TTC29: variants seen among roughly 807,000 people sequenced by gnomAD.
The protein encoded by TTC29 is tetratricopeptide repeat protein 29.
A neutral mutation model predicts 58.1 loss-of-function variants in TTC29; 49 were observed. The observed-to-expected ratio is 0.84, with a 90% CI of 0.67 to 1.07. TTC29 has a LOEUF of 1.07. TTC29 is among the 50% of genes least tolerant of loss of function. The probability of loss-of-function intolerance (pLI) is 0.00; values close to 1 mark genes in which losing one functional copy is unlikely to be tolerated. For synonymous variants in TTC29, 209 were observed against 196.8 expected (o/e 1.06, Z -0.52); for missense variants, 582 against 555.6 (o/e 1.05, Z -0.48).
At chr4:146,942,394 C>T (rs1299411429) in intron 2 of TTC29, among the ~76,000 whole-genome samples, 2 of 152,114 alleles carry the variant, frequency 1.3e-5, no homozygotes, top group African/African-American at 2.4e-5. Flanking sequence ...AACTTCATAA[C>T]GTAATGACAA....
At chr4:146,790,191 T>G (rs564973210) in intron 11 of TTC29, among the ~76,000 whole-genome samples, 1 of 151,930 alleles carries the variant, frequency 6.6e-6, no homozygotes, top group East Asian at 1.9e-4. Context: ...TTCTTTTTTT[T>G]TTTTTCTTTT....
chr4:146,857,657 A>G (rs1729960080), intron 8 of TTC29, among the ~76,000 whole-genome samples: 1 of 152,178 alleles, frequency 6.6e-6, no homozygotes, highest in Admixed American at 6.6e-5. Context: ...CCTCTCTGGC[A>G]GCATCTGAGC....
intron 4 of TTC29, among the ~76,000 whole-genome samples, chr4:146,919,903 A>G (rs1187102973): frequency 2.6e-5 from 4 of 151,110 alleles, no homozygotes; most frequent in African/African-American, 9.7e-5. Context: ...ACTTCAGCTC[A>G]CTGCATTTTT....
intron 9 of TTC29, among the ~76,000 whole-genome samples, chr4:146,832,176 C>CT (rs5862774): frequency 6.6e-6 from 1 of 151,908 alleles, no homozygotes; most frequent in Non-Finnish European, 1.5e-5. Context: ...AGAATCCAAT[C>CT]TTTTTTTGCT....
At chr4:146,758,267 G>A (rs1746605854) in intron 11 of TTC29, among the ~76,000 whole-genome samples, 6 of 152,032 alleles carry the variant, frequency 3.9e-5, no homozygotes, top group Admixed American at 3.9e-4. Context: ...ATGATAAAAG[G>A]CCTTGTCCAA....
intron 11 of TTC29, among the ~76,000 whole-genome samples, chr4:146,708,171 C>T (rs6834633): frequency 0.046 from 6,969 of 151,538 alleles, 493 homozygotes; most frequent in African/African-American, 0.14. Flanking sequence ...CCACAGAATT[C>T]TTGTGATATA....
At chr4:146,789,004 A>G (rs953298105) in intron 11 of TTC29, among the ~76,000 whole-genome samples, 4 of 152,190 alleles carry the variant, frequency 2.6e-5, no homozygotes, top group African/African-American at 7.2e-5. Flanking sequence ...GCACTGAATA[A>G]AAGCACTGAT....
At chr4:146,797,864 G>A (rs1371888516) in intron 11 of TTC29, among the ~76,000 whole-genome samples, 2 of 88,612 alleles carry the variant, frequency 2.3e-5, no homozygotes, top group East Asian at 3.8e-4. Flanking sequence ...ATATATATTC[G>A]TTCTCTCTTC....
chr4:146,944,273 C>T (rs1323279405), intron 2 of TTC29: 2 of 152,170 alleles, frequency 1.3e-5, no homozygotes, highest in Admixed American at 6.5e-5. Context: ...TGTTGGTATT[C>T]AGAAGAAATT....
Position 146,943,926 on chromosome 4 carries a change from G to T in TTC29, c.-7+1105C>A, listed in dbSNP as rs574054079. Among the ~76,000 whole-genome samples the T allele has an allele frequency of 3.9e-5, 6 of 152,250 alleles. No individual in the cohort carries two copies. In the East Asian group the frequency reaches 9.6e-4, roughly 24 times the overall value. ...TGAAGAATGGGACTAGTGCTATGAG[G>T]TGACTGACCCAGGCCTGTAGCATAA... On this transcript the variant is annotated intron_variant, in intron 2 of 12. Coordinates refer to ENST00000325106, the MANE Select transcript of TTC29 (RefSeq NM_031956.4).
chr4:146,733,960 A>C (rs1348733358), intron 11 of TTC29, among the ~76,000 whole-genome samples: 1 of 152,174 alleles, frequency 6.6e-6, no homozygotes, highest in Non-Finnish European at 1.5e-5. Flanking sequence ...TGTTTCCTCA[A>C]CTTTTAAAAG....
At chr4:146,732,741 C>T (rs1311872657) in intron 11 of TTC29, among the ~76,000 whole-genome samples, 2 of 152,038 alleles carry the variant, frequency 1.3e-5, no homozygotes, top group East Asian at 3.9e-4. Flanking sequence ...TGACAAAGAA[C>T]TAGGAGCTAA....
chr4:146,931,998 C>T (rs1735370773), intron 4 of TTC29, among the ~76,000 whole-genome samples: 1 of 151,880 alleles, frequency 6.6e-6, no homozygotes, highest in Admixed American at 6.6e-5. Flanking sequence ...GCTTTTTCTT[C>T]TTCTTCCCTT....
rs1254240782 is a variant in TTC29 at position 146,716,864 on chromosome 4, CA to C, written c.1331-9314del. Among the ~76,000 whole-genome samples the C allele has an allele frequency of 2.0e-5, 3 of 152,234 alleles. No individual in the cohort carries two copies. In the East Asian group the frequency reaches 5.8e-4, roughly 29 times the overall value. ...TAAGAATGAACTGGTCTATTTAAAA[CA>C]ATGACAGTGAGAAATACATTTTGAA... On this transcript the variant is annotated intron_variant, in intron 11 of 12. Transcript: ENST00000325106.
intron 8 of TTC29, among the ~76,000 whole-genome samples, chr4:146,842,028 C>A (rs944998815): frequency 1.3e-5 from 2 of 152,164 alleles, no homozygotes; most frequent in African/African-American, 2.4e-5. Flanking sequence ...TGGCATTTGG[C>A]AATGTCTGCA....
chr4:146,846,162 T>A (rs1327776962), intron 8 of TTC29, among the ~76,000 whole-genome samples: 1 of 152,122 alleles, frequency 6.6e-6, no homozygotes, highest in African/African-American at 2.4e-5. Flanking sequence ...ATGAAAAGTG[T>A]ATGAAAAATT....
chr4:146,885,739 T>C (rs564058235), intron 6 of TTC29, among the ~76,000 whole-genome samples: 2 of 152,236 alleles, frequency 1.3e-5, no homozygotes, highest in Admixed American at 1.3e-4. Context: ...TGGTAAAAAT[T>C]ACAATTACTT....
chr4:146,721,688 G>C (rs150324666), intron 11 of TTC29, among the ~76,000 whole-genome samples: 4 of 152,142 alleles, frequency 2.6e-5, no homozygotes, highest in African/African-American at 4.8e-5. Context: ...CAGTACAAAA[G>C]ACATATAGTA....
chr4:146,815,031 C>T (rs1410482015), intron 10 of TTC29, among the ~76,000 whole-genome samples: 1 of 152,078 alleles, frequency 6.6e-6, no homozygotes, highest in Non-Finnish European at 1.5e-5. Flanking sequence ...TATTTTAGGA[C>T]AGGGTAGGGA....
Sources: allele counts gnomAD v4.1 joint callset (sites outside exome capture counted in the v4.1 genomes callset), GRCh38; gene constraint gnomAD v4.1.1; transcripts MANE v1.5; gene names NCBI Gene and HGNC (gene_info 2026-07-23, HGNC 2026-07-21).